CTNNA3: variants seen among roughly 807,000 people sequenced by gnomAD.
CTNNA3 encodes the protein catenin alpha 3.
In CTNNA3, 76 loss-of-function variants were observed where a neutral mutation model predicts 95.7. That is an observed-to-expected ratio of 0.79 (90% CI 0.66 to 0.96). CTNNA3 has a LOEUF of 0.96. Ranked by LOEUF, CTNNA3 falls within the 40% of genes least tolerant of loss-of-function variation. The pLI is 0.00. For missense variants in CTNNA3, 1,191 were observed against 1,089.8 expected, an observed-to-expected ratio of 1.09 and a Z score of -1.31; for synonymous variants, 431 against 374.4, an observed-to-expected ratio of 1.15 and a Z score of -1.74.
chr10:66,381,777 G>A (rs1308900045), intron 11 of CTNNA3, among the ~76,000 whole-genome samples: 1 of 152,144 alleles, frequency 6.6e-6, no homozygotes, highest in Admixed American at 6.5e-5. Context: ...AGTTATGAAT[G>A]TATCATTAAG....
At chr10:67,559,928 G>C (rs963813016) in intron 3 of CTNNA3, among the ~76,000 whole-genome samples, 6 of 152,122 alleles carry the variant, frequency 3.9e-5, no homozygotes, top group African/African-American at 1.4e-4. Flanking sequence ...GAGAAGGGAA[G>C]TTTAGAGAAA....
At chr10:66,704,087 A>G (rs1026533203) in intron 9 of CTNNA3, among the ~76,000 whole-genome samples, 1 of 152,096 alleles carries the variant, frequency 6.6e-6, no homozygotes, top group Admixed American at 6.6e-5. Context: ...TGTTCACTGC[A>G]ATGGTAATGG....
In CTNNA3 at chr10:67,109,206, G is replaced by T. The variant is rs75378335; in HGVS notation, c.1047+71111C>A. 5.6e-3 allele frequency among the ~76,000 whole-genome samples: 846 copies of T among 152,232 alleles called. 7 individuals are homozygous for T. Among genetic ancestry groups the T allele is most frequent in the African/African-American group, 0.019 (790 of 41,556 alleles). The stretch of plus-strand genomic sequence containing the variant: ...AAAATGAATGAGAATTAGGTTATAT[G>T]TAGAGTCTTTTGTCTTTTGTTCTAT... On this transcript the variant is annotated intron_variant, in intron 7 of 17. Coordinates refer to ENST00000433211, the MANE Select transcript of CTNNA3 (RefSeq NM_013266.4).
At chr10:67,207,021 C>T (rs959264713) in intron 6 of CTNNA3, among the ~76,000 whole-genome samples, 4 of 152,050 alleles carry the variant, frequency 2.6e-5, no homozygotes, top group Admixed American at 6.5e-5. Context: ...ATACCAGCTA[C>T]TCAGGAGGAT....
At chr10:66,329,241 C>T (rs979215870) in intron 12 of CTNNA3, among the ~76,000 whole-genome samples, 3 of 151,718 alleles carry the variant, frequency 2.0e-5, no homozygotes, top group East Asian at 1.9e-4. Flanking sequence ...TGAGCCACGG[C>T]GCCCAGCCAA....
At chr10:66,813,560 T>C (rs1046444147) in intron 7 of CTNNA3, among the ~76,000 whole-genome samples, 3 of 152,204 alleles carry the variant, frequency 2.0e-5, no homozygotes, top group Non-Finnish European at 4.4e-5. Context: ...TATGTAATTA[T>C]TTAATAAATT....
intron 13 of CTNNA3, among the ~76,000 whole-genome samples, chr10:66,137,554 A>G (rs1256296388): frequency 6.6e-6 from 1 of 152,222 alleles, no homozygotes; most frequent in Non-Finnish European, 1.5e-5. Context: ...TGAACCATAT[A>G]TTAAATAATA....
chr10:66,938,141 A>G (rs2132668125), intron 7 of CTNNA3, among the ~76,000 whole-genome samples: 1 of 152,288 alleles, frequency 6.6e-6, no homozygotes, highest in East Asian at 1.9e-4. Flanking sequence ...TATCAACCTT[A>G]TATTTCTTTG....
chr10:67,393,897 G>T (rs947300640), intron 5 of CTNNA3, among the ~76,000 whole-genome samples: 2 of 152,084 alleles, frequency 1.3e-5, no homozygotes, highest in East Asian at 1.9e-4. Flanking sequence ...GAAATCAGTG[G>T]AAAACTAGCA....
In CTNNA3 at chr10:66,149,847, C is replaced by A. The variant is rs1228116979; in HGVS notation, c.1885-46598G>T. 2.0e-5 allele frequency among the ~76,000 whole-genome samples: 3 copies of A among 151,578 alleles called. 1 individual carries two copies. The highest frequency in any genetic ancestry group is 7.2e-5 in the African/African-American group (3 of 41,418). ...GGAATAAACTATCTCATTATTATAG[C>A]AAAAAAAATTAAACCATAAAAGTAT... On this transcript the variant is annotated intron_variant, in intron 13 of 17. Coordinates refer to ENST00000433211, the MANE Select transcript of CTNNA3 (RefSeq NM_013266.4).
intron 10 of CTNNA3, 56 bp from the exon 11 acceptor site, chr10:66,520,829 G>A: frequency 7.2e-7 from 1 of 1,386,402 alleles, no homozygotes. Context: ...CACTATTTGG[G>A]TGATGGGCAC....
intron 7 of CTNNA3, among the ~76,000 whole-genome samples, chr10:66,833,602 C>T (rs758279085): frequency 1.3e-5 from 2 of 152,136 alleles, no homozygotes; most frequent in African/African-American, 4.8e-5. Context: ...TCACCATCAA[C>T]AAGCTAATAC....
chr10:67,174,648 A>AG lies in CTNNA3; in HGVS notation c.1047+5668dup, dbSNP rs553815813. On this transcript the variant is annotated intron_variant, in intron 7 of 17. Coordinates refer to ENST00000433211, the MANE Select transcript of CTNNA3 (RefSeq NM_013266.4). ...AATTTAGGCACAGAAAAGAAATCAG[A>AG]GAAAAAAAAAGCATTTTGCCAACTT... 5.9e-5 allele frequency among the ~76,000 whole-genome samples: 9 copies of AG among 152,256 alleles called. No homozygotes were observed. The South Asian group carries it at 1.5e-3, about 25-fold the overall frequency.
chr10:67,530,527 T>C (rs1840294572), intron 4 of CTNNA3, among the ~76,000 whole-genome samples: 1 of 152,230 alleles, frequency 6.6e-6, no homozygotes, highest in Non-Finnish European at 1.5e-5. Context: ...TTAGAGTATC[T>C]GGTTTAAGGA....
rs145298455 is a variant in CTNNA3, at chr10:67,537,119, G to A, written c.459+2384C>T. 1.7e-3 allele frequency among the ~76,000 whole-genome samples: 255 copies of A among 152,172 alleles called. 2 individuals carry two copies. Among genetic ancestry groups the A allele is most frequent in the African/African-American group, 5.7e-3 (238 of 41,538 alleles). On this transcript the variant is annotated intron_variant, in intron 4 of 17. Transcript: ENST00000433211. Reference sequence around the variant, plus strand: ...TGACATATAATCCAGTTGAAATTCAGGCTCTAACAAGGCACCAAGTGTGAG... The same window carrying A: ...TGACATATAATCCAGTTGAAATTCAAGCTCTAACAAGGCACCAAGTGTGAG...
intron 3 of CTNNA3, among the ~76,000 whole-genome samples, chr10:67,588,534 G>C (rs905784922): frequency 1.3e-5 from 2 of 151,958 alleles, no homozygotes; most frequent in Non-Finnish European, 2.9e-5. Context: ...AATTTATGGG[G>C]GGGGGACTGG....
intron 11 of CTNNA3, among the ~76,000 whole-genome samples, chr10:66,483,288 G>A (rs918862323): frequency 2.0e-5 from 3 of 152,138 alleles, no homozygotes; most frequent in South Asian, 4.1e-4. Flanking sequence ...TTGTACTCCT[G>A]AGAGAATTAA....
intron 7 of CTNNA3, among the ~76,000 whole-genome samples, chr10:66,840,731 T>C (rs957711297): frequency 1.3e-5 from 2 of 152,080 alleles, no homozygotes; most frequent in African/African-American, 4.8e-5. Context: ...GCTGTTCTCT[T>C]TTTTAAAACT....
chr10:67,203,275 G>A (rs1019043773), intron 6 of CTNNA3, among the ~76,000 whole-genome samples: 1 of 152,286 alleles, frequency 6.6e-6, no homozygotes, highest in South Asian at 2.1e-4. Flanking sequence ...CACGAGATCT[G>A]ATGGTTTTAT....
Sources: gnomAD v4.1 joint callset for allele counts (sites outside exome capture counted in the v4.1 genomes callset) on GRCh38, gnomAD v4.1.1 for gene constraint, MANE v1.5 for transcripts, NCBI Gene and HGNC (gene_info 2026-07-23, HGNC 2026-07-21) for gene names.